C10orf105: variants seen among roughly 807,000 people sequenced by gnomAD.
C10orf105 encodes the protein chromosome 10 open reading frame 105.
C10orf105 carries 2 observed loss-of-function variants against 0.6 expected under a neutral mutation model. That is an observed-to-expected ratio of 3.18 (90% CI 1.30 to 10.01). The LOEUF is 10.01. Ranked by LOEUF, C10orf105 falls within the 30% of genes most tolerant of loss-of-function variation. The pLI is 0.04. For missense variants in C10orf105, 209 were observed against 191.4 expected, an observed-to-expected ratio of 1.09 and a Z score of -0.54; for synonymous variants, 95 against 82.4, an observed-to-expected ratio of 1.15 and a Z score of -0.83.
At position 71,734,275 on chromosome 10, in the gene C10orf105, G is replaced by A. The variant is rs371538838; in HGVS notation, c.-6+3453C>T. The A allele has an allele frequency of 5.6e-6, 9 of 1,612,338 alleles. No homozygotes were observed. The African/African-American group carries it at 1.1e-4, about 19-fold the overall frequency. ...CAGTCCAGGGCCTGGTGGACCGTGA[G>A]AAGGGCGACTTCTATACCTTGACAG... On this transcript the variant is annotated intron_variant, in intron 1 of 1. Coordinates refer to the C10orf105 transcript ENST00000398786.
chr10:71,727,950 C>T (rs1187770235), intron 1 of C10orf105, among the ~76,000 whole-genome samples: 3 of 152,120 alleles, frequency 2.0e-5, no homozygotes, highest in Admixed American at 6.5e-5. Flanking sequence ...AGGCTGAAAC[C>T]GACCAGAGGC....
chr10:71,715,990 C>T lies in C10orf105; in HGVS notation c.348G>A (p.Pro116=), dbSNP rs754712347. The T allele has an allele frequency of 1.1e-5, 16 of 1,495,412 alleles. No homozygotes were observed. The Admixed American group carries it at 1.5e-4, about 14-fold the overall frequency. 92.6% of individuals were successfully genotyped at this position (1,495,412 alleles called of 1,614,324 possible). ...AGTGGCTGCGGTTGTCCTCGGGGCC[C>T]GGCAGGGGCTGTCGAGGGACGGTGG... ...GRPTVPRQPL[P]GPEDNRSHCD... Residue 116 remains proline (P), a synonymous_variant, in exon 2 of 2, where the codon CCG becomes CCA. Transcript: ENST00000441508.
chr10:71,717,551 G>A (rs910382490), intron 1 of C10orf105: 10 of 152,298 alleles, frequency 6.6e-5, no homozygotes, highest in African/African-American at 2.2e-4. Context: ...ACCAGGCTGA[G>A]CTTTTGGCTC....
At chr10:71,729,842 T>A (rs1839302442) in intron 1 of C10orf105, among the ~76,000 whole-genome samples, 2 of 149,598 alleles carry the variant, frequency 1.3e-5, no homozygotes, top group South Asian at 4.2e-4. Context: ...TATTATTAAT[T>A]TTTTTTTTTT....
At chr10:71,724,534 C>A (rs1866721447), upstream of C10orf105, among the ~76,000 whole-genome samples, 1 of 152,226 alleles carries the variant, frequency 6.6e-6, no homozygotes, top group Admixed American at 6.5e-5. Context: ...GATCTCCTGA[C>A]CTTGTGATCC....
chr10:71,727,499 C>A (rs1018065791), intron 1 of C10orf105, among the ~76,000 whole-genome samples: 1 of 152,232 alleles, frequency 6.6e-6, no homozygotes, highest in Non-Finnish European at 1.5e-5. Flanking sequence ...TGGCTTTCCG[C>A]TGGACTCATT....
intron 1 of C10orf105, among the ~76,000 whole-genome samples, chr10:71,727,051 C>G (rs1219143145): frequency 6.6e-6 from 1 of 152,228 alleles, no homozygotes; most frequent in African/African-American, 2.4e-5. Flanking sequence ...GCCCGTCTCC[C>G]CTGAACCCTG....
intron 1 of C10orf105, among the ~76,000 whole-genome samples, chr10:71,735,216 G>A (rs982817029): frequency 1.3e-5 from 2 of 152,202 alleles, no homozygotes; most frequent in African/African-American, 4.8e-5. Context: ...AAGTGTGTGG[G>A]GTGGGATGCA....
rs532715187 is a variant in C10orf105 at position 71,735,598 on chromosome 10, G to T, written c.-6+2130C>A. On this transcript the variant is annotated intron_variant, in intron 1 of 1. Transcript: ENST00000398786. ...GGCATCAGGCTCCTCATCAGCCTTG[G>T]TTACAGCCACATTGCCACGCCCTGC... is the stretch of plus-strand genomic sequence containing the variant. Among the ~76,000 whole-genome samples, 38 of 152,292 alleles carry T rather than the reference G, an allele frequency of 2.5e-4. 1 individual carries two copies. The South Asian group carries it at 7.9e-3, about 32-fold the overall frequency.
chr10:71,718,906 GAAA>G (rs78421738), intron 1 of C10orf105, among the ~76,000 whole-genome samples: 1 of 139,066 alleles, frequency 7.2e-6, no homozygotes, highest in Non-Finnish European at 1.6e-5. Context: ...ATTTCTGAAA[GAAA>G]AAAAAAAAAG....
In C10orf105 at chr10:71,734,268, A is replaced by G. The variant is rs1269088828; in HGVS notation, c.-6+3460T>C. The G allele has an allele frequency of 6.2e-7, 1 of 1,612,000 alleles. No homozygotes were observed. The highest frequency in any genetic ancestry group is 8.5e-7 in the Non-Finnish European group (1 of 1,179,158). ...GTGATCACAGTCCAGGGCCTGGTGGACCGTGAGAAGGGCGACTTCTATACC... is the reference window on the plus strand; with the variant it reads ...GTGATCACAGTCCAGGGCCTGGTGGGCCGTGAGAAGGGCGACTTCTATACC... On this transcript the variant is annotated intron_variant, in intron 1 of 1. Transcript: ENST00000398786.
At chr10:71,730,938 G>C (rs1028909048) in intron 1 of C10orf105, among the ~76,000 whole-genome samples, 1 of 152,230 alleles carries the variant, frequency 6.6e-6, no homozygotes. Flanking sequence ...AAAGAGGACC[G>C]GTCAGAAAGC....
rs1377139284 is a variant in C10orf105 at position 71,714,166 on chromosome 10, CT to C, written c.*1769del. 6.6e-6 allele frequency: 1 copy of C among 152,104 alleles called. No individual in the cohort carries two copies. The highest frequency in any genetic ancestry group is 1.5e-5 in the Non-Finnish European group (1 of 68,038). The allele number at this position is 152,104 out of a possible 1,614,324, so 9.4% of individuals were successfully genotyped here. A position where few individuals can be genotyped will look rare whatever the true frequency, so the allele number is the denominator to read the frequency against. On this transcript the variant is annotated 3_prime_UTR_variant, in exon 2 of 2. Transcript: ENST00000441508. Reference sequence around the variant, plus strand: ...GACTCACTTTTTGAGATCAGATTGACTTGGAAGGAAGGGACAGTGGGCTTCT... The same window carrying C: ...GACTCACTTTTTGAGATCAGATTGACTGGAAGGAAGGGACAGTGGGCTTCT...
intron 1 of C10orf105, chr10:71,732,629 T>A (rs1384464121): frequency 7.1e-7 from 1 of 1,401,488 alleles, no homozygotes; most frequent in South Asian, 1.7e-5. Flanking sequence ...TGAGACCTTG[T>A]CTCTTACAAA....
At chr10:71,728,983 A>G (rs533687851) in intron 1 of C10orf105, among the ~76,000 whole-genome samples, 3 of 152,002 alleles carry the variant, frequency 2.0e-5, no homozygotes, top group East Asian at 3.9e-4. Flanking sequence ...GGTGCGTGCT[A>G]TCACCCCTGG....
In C10orf105 at chr10:71,715,990, C is replaced by A. The variant is rs754712347; in HGVS notation, c.348G>T (p.Pro116=). The change falls in exon 2 of 2, where the codon CCG becomes CCT. Residue 116 remains proline, a synonymous_variant. Transcript: ENST00000441508. ...AGTGGCTGCGGTTGTCCTCGGGGCC[C>A]GGCAGGGGCTGTCGAGGGACGGTGG... is the stretch of plus-strand genomic sequence containing the variant. ...GRPTVPRQPL[P]GPEDNRSHCD... 1.1e-5 allele frequency: 16 copies of A among 1,495,528 alleles called. No individual in the cohort carries two copies. The highest frequency in any genetic ancestry group is 1.3e-5 in the Non-Finnish European group (15 of 1,122,028). 92.6% of individuals were successfully genotyped at this position (1,495,528 alleles called of 1,614,324 possible).
intron 1 of C10orf105, chr10:71,734,364 T>G: frequency 6.3e-7 from 1 of 1,587,620 alleles, no homozygotes; most frequent in Non-Finnish European, 8.6e-7. Flanking sequence ...AGGGTGAGAG[T>G]CCCTCAGGTG....
upstream of C10orf105, among the ~76,000 whole-genome samples, chr10:71,721,639 T>C (rs1866561764): frequency 1.3e-5 from 2 of 152,148 alleles, no homozygotes; most frequent in Admixed American, 1.3e-4. Flanking sequence ...CTCCCCACCA[T>C]CAACATGCTC....
Position 71,713,112 on chromosome 10 carries a change from G to T in C10orf105, c.*2824C>A. Reference sequence around the variant, plus strand: ...ACCCAGAAGGGCCTTTCAGAGTAGCGGGGAGAAAGAGACGTCACAATTTCC... The same window carrying T: ...ACCCAGAAGGGCCTTTCAGAGTAGCTGGGAGAAAGAGACGTCACAATTTCC... On this transcript the variant is annotated 3_prime_UTR_variant, in exon 2 of 2. Coordinates refer to ENST00000441508, the MANE Select transcript of C10orf105 (RefSeq NM_001164375.3). The T allele has an allele frequency of 1.3e-6, 1 of 773,874 alleles. No individual in the cohort carries two copies. Among genetic ancestry groups the T allele is most frequent in the South Asian group, 1.4e-5 (1 of 73,498 alleles). 47.9% of individuals were successfully genotyped at this position (773,874 alleles called of 1,614,324 possible).
Sources: gnomAD v4.1 joint callset for allele counts (sites outside exome capture counted in the v4.1 genomes callset) on GRCh38, gnomAD v4.1.1 for gene constraint, MANE v1.5 for transcripts, NCBI Gene and HGNC (gene_info 2026-07-23, HGNC 2026-07-21) for gene names.